The following DERL1 variants were observed in gnomAD, a reference collection of about 807,000 sequenced individuals.
The protein encoded by DERL1 is derlin-1.
In DERL1, 24 loss-of-function variants were observed where a neutral mutation model predicts 41.6. The ratio of observed to expected loss-of-function variants is 0.58; its 90% CI spans 0.42 to 0.81. DERL1 has a LOEUF of 0.81. Ranked by LOEUF, DERL1 falls within the 30% of genes least tolerant of loss-of-function variation. The pLI, the probability that DERL1 is intolerant of heterozygous loss-of-function variation, is 0.00. For synonymous variants in DERL1, 124 were observed against 112.5 expected (o/e 1.10, Z -0.65); for missense variants, 260 against 314.3 (o/e 0.83, Z 1.31).
intron 1 of DERL1, among the ~76,000 whole-genome samples, chr8:123,039,287 C>G (rs1454921695): frequency 6.6e-6 from 1 of 152,240 alleles, no homozygotes; most frequent in Non-Finnish European, 1.5e-5. Context: ...TCGGGGCAAT[C>G]TGTCAGTCCT....
intron 1 of DERL1, among the ~76,000 whole-genome samples, chr8:123,041,488 T>C (rs1478770898): frequency 6.6e-6 from 1 of 152,236 alleles, no homozygotes; most frequent in African/African-American, 2.4e-5. Flanking sequence ...TCGTTCTTTG[T>C]ATCTCTGACT....
At chr8:123,023,893 G>A (rs185455713) in intron 3 of DERL1, among the ~76,000 whole-genome samples, 154 bp from the exon 4 acceptor site, 1 of 152,226 alleles carries the variant, frequency 6.6e-6, no homozygotes, top group East Asian at 1.9e-4. Flanking sequence ...CAAGATGGGA[G>A]GACTGCTTGA....
chr8:123,039,063 C>A (rs1347360717), intron 1 of DERL1, among the ~76,000 whole-genome samples: 1 of 152,206 alleles, frequency 6.6e-6, no homozygotes. Flanking sequence ...ATCTTTCAGT[C>A]CTGCTCGCTT....
intron 1 of DERL1, among the ~76,000 whole-genome samples, chr8:123,032,863 C>CTTTTT (rs200724608): frequency 2.5e-5 from 3 of 122,066 alleles, no homozygotes; most frequent in Non-Finnish European, 3.4e-5. Context: ...TTTCTATTTT[C>CTTTTT]TTTTTTTTTT....
At chr8:123,020,796 C>CAAAAAAAAAAAA (rs59816749) in intron 6 of DERL1, among the ~76,000 whole-genome samples, 1 of 112,392 alleles carries the variant, frequency 8.9e-6, no homozygotes, top group Non-Finnish European at 1.7e-5. Flanking sequence ...CTAAAAATCC[C>CAAAAAAAAAAAA]AAAAAAAAAA....
Position 123,041,960 on chromosome 8 carries a change from C to G in DERL1, c.153+10G>C. On this transcript the variant is annotated intron_variant, in intron 1 of 7. Transcript: ENST00000259512. ...CTGTAGTCTCCACGCCCCCCGTCTC[C>G]GGTAAGTACCTGAAAGCGATAAAGG... is the stretch of plus-strand genomic sequence containing the variant. The G allele has an allele frequency of 6.2e-7, 1 of 1,600,212 alleles. No individual in the cohort carries two copies. Among genetic ancestry groups the G allele is most frequent in the South Asian group, 1.1e-5 (1 of 89,792 alleles).
intron 2 of DERL1, among the ~76,000 whole-genome samples, chr8:123,026,355 G>A (rs936860434): frequency 5.9e-5 from 9 of 152,316 alleles, no homozygotes; most frequent in African/African-American, 2.2e-4. Flanking sequence ...TCTTTAGACT[G>A]AGTACTTAAA....
chr8:123,017,274 T>C (rs1053282248), intron 7 of DERL1: 2 of 152,204 alleles, frequency 1.3e-5, no homozygotes, highest in Non-Finnish European at 2.9e-5. Flanking sequence ...ACCTCCTCCA[T>C]TTTAAACAAA....
At chr8:123,021,304 A>G (rs1269559848) in intron 6 of DERL1, 143 bp downstream of exon 6, 2 of 739,852 alleles carry the variant, frequency 2.7e-6, no homozygotes, top group Non-Finnish European at 4.5e-6. Context: ...AATTCAATCG[A>G]AGTGAAATTA....
At chr8:123,029,290 C>T (rs1230233473) in intron 2 of DERL1, among the ~76,000 whole-genome samples, 1 of 152,144 alleles carries the variant, frequency 6.6e-6, no homozygotes, top group Non-Finnish European at 1.5e-5. Context: ...ATCTCCTATT[C>T]ATCTTTTGGT....
At chr8:123,027,599 G>A (rs529592959) in intron 2 of DERL1, among the ~76,000 whole-genome samples, 106 of 152,196 alleles carry the variant, frequency 7.0e-4, no homozygotes, top group African/African-American at 2.5e-3. Flanking sequence ...GGAATGAGGA[G>A]GCAACTTATA....
chr8:123,040,205 G>A (rs998992009), intron 1 of DERL1, among the ~76,000 whole-genome samples: 3 of 152,106 alleles, frequency 2.0e-5, no homozygotes, highest in African/African-American at 4.8e-5. Context: ...GCAACAGAGC[G>A]AGACTCCGTC....
intron 1 of DERL1, among the ~76,000 whole-genome samples, chr8:123,039,092 ATCCAT>A (rs1488860350): frequency 7.2e-5 from 11 of 152,178 alleles, no homozygotes; most frequent in Admixed American, 1.3e-4. Flanking sequence ...CACTCTTTAT[ATCCAT>A]TCGGCTGTAA....
At chr8:123,041,126 G>C (rs1008796337) in intron 1 of DERL1, among the ~76,000 whole-genome samples, 1 of 152,172 alleles carries the variant, frequency 6.6e-6, no homozygotes, top group Non-Finnish European at 1.5e-5. Flanking sequence ...TTAAAAGTCA[G>C]GAAGATAAGG....
intron 7 of DERL1, chr8:123,018,028 G>T (rs1490178925): frequency 6.6e-6 from 1 of 152,148 alleles, no homozygotes; most frequent in Non-Finnish European, 1.5e-5. Flanking sequence ...TTCACAATTT[G>T]AAAAGTCTTT....
Position 123,030,717 on chromosome 8 carries a change from C to G in DERL1, c.154-1G>C, listed in dbSNP as rs1379047428. ...AGGTGGCAGTGATTGGCCTCCAAATCTGTCCAGATCAAAATAAACACAGCT... is the reference window on the plus strand; with the variant it reads ...AGGTGGCAGTGATTGGCCTCCAAATGTGTCCAGATCAAAATAAACACAGCT... On this transcript the variant is annotated splice_acceptor_variant, in intron 1 of 7. Transcript: ENST00000259512. LOFTEE classifies it high-confidence loss of function. 1 of 1,594,352 alleles carries G rather than the reference C, an allele frequency of 6.3e-7. No homozygotes were observed. The highest frequency in any genetic ancestry group is 1.7e-5 in the Admixed American group (1 of 59,182).
In DERL1 at chr8:123,015,536, G is replaced by A; in HGVS notation, c.667C>T (p.Pro223Ser). Reference protein sequence around the residue: ...RRGGVSGFGVPPASMRRAADQ... With the variant: ...RRGGVSGFGVSPASMRRAADQ... ...GCAGCTCGCCTCATGCTAGCAGGGG[G>A]CACACCAAATCCTGATACTCCTCCT... Residue 223 changes from proline (P) to serine (S), a missense_variant, in exon 8 of 8, where the codon CCC becomes TCC. Coordinates refer to ENST00000259512, the MANE Select transcript of DERL1 (RefSeq NM_024295.6). 1 of 1,612,468 alleles carries A rather than the reference G, an allele frequency of 6.2e-7. No homozygotes were observed. The highest frequency in any genetic ancestry group is 8.5e-7 in the Non-Finnish European group (1 of 1,179,330).
chr8:123,036,809 T>C (rs1038896530), intron 1 of DERL1, among the ~76,000 whole-genome samples: 1 of 152,206 alleles, frequency 6.6e-6, no homozygotes, highest in Non-Finnish European at 1.5e-5. Context: ...CTCCCTGCTA[T>C]GTTGAAACGT....
chr8:123,036,593 T>C (rs1049080046), intron 1 of DERL1, among the ~76,000 whole-genome samples: 1 of 152,220 alleles, frequency 6.6e-6, no homozygotes, highest in Non-Finnish European at 1.5e-5. Context: ...CCTGCTTGTA[T>C]ATTGTAACTC....
Sources: gnomAD v4.1 joint callset for allele counts (sites outside exome capture counted in the v4.1 genomes callset) on GRCh38, gnomAD v4.1.1 for gene constraint, MANE v1.5 for transcripts, NCBI Gene and HGNC (gene_info 2026-07-23, HGNC 2026-07-21) for gene names.